Variants in EFL1 observed in about 807,000 individuals in gnomAD.
EFL1 encodes the protein elongation factor like GTPase 1.
EFL1 carries 76 observed loss-of-function variants against 126.7 expected under a neutral mutation model. The ratio of observed to expected loss-of-function variants is 0.60; its 90% confidence interval spans 0.50 to 0.73. The LOEUF (loss-of-function observed/expected upper bound fraction) is 0.73, where lower values mean the gene tolerates loss of function less well. EFL1 is among the 30% of genes least tolerant of loss of function. EFL1 has a pLI of 0.00. For synonymous variants in EFL1, 410 were observed against 448.4 expected, an observed-to-expected ratio of 0.91 and a Z score of 1.08; for missense variants, 1,128 against 1,343.2, an observed-to-expected ratio of 0.84 and a Z score of 2.50.
intron 19 of EFL1, among the ~76,000 whole-genome samples, chr15:82,136,502 T>C (rs2073723667): frequency 6.6e-6 from 1 of 152,216 alleles, no homozygotes; most frequent in Non-Finnish European, 1.5e-5. Context: ...ACTGAATCTC[T>C]CTGGTTCTAA....
At chr15:82,138,425 A>AGAGAGAGTATGTGT (rs751682963) in intron 19 of EFL1, among the ~76,000 whole-genome samples, 1 of 46,180 alleles carries the variant, frequency 2.2e-5, no homozygotes, top group African/African-American at 6.9e-5. Flanking sequence ...AGAGAGAGAG[A>AGAGAGAGTATGTGT]GTGTATGTGT....
intron 18 of EFL1, among the ~76,000 whole-genome samples, chr15:82,151,001 ATACT>A (rs2073900545): frequency 6.6e-6 from 1 of 152,196 alleles, no homozygotes; most frequent in Non-Finnish European, 1.5e-5. Flanking sequence ...CAAGATTTTA[ATACT>A]TAAGATATCT....
At chr15:82,160,595 G>A (rs947173588) in intron 16 of EFL1, among the ~76,000 whole-genome samples, 1 of 152,088 alleles carries the variant, frequency 6.6e-6, no homozygotes, top group Non-Finnish European at 1.5e-5. Flanking sequence ...GCTTCATAAT[G>A]TATATAAAAC....
At chr15:82,247,904 C>T (rs2074988051) in intron 4 of EFL1, among the ~76,000 whole-genome samples, 1 of 152,028 alleles carries the variant, frequency 6.6e-6, no homozygotes, top group Non-Finnish European at 1.5e-5. Context: ...ACAAGACGTG[C>T]ATAACAATCC....
chr15:82,160,649 T>A (rs1048603217), intron 16 of EFL1, among the ~76,000 whole-genome samples: 4 of 146,184 alleles, frequency 2.7e-5, no homozygotes, highest in South Asian at 2.1e-4. Flanking sequence ...GTATCAAAAA[T>A]TTTTTTTAAC....
chr15:82,181,922 C>T (rs563460680), intron 15 of EFL1, among the ~76,000 whole-genome samples: 5 of 152,292 alleles, frequency 3.3e-5, no homozygotes, highest in South Asian at 4.1e-4. Context: ...CAGTTCCCTC[C>T]GTGCTCCATG....
intron 17 of EFL1, among the ~76,000 whole-genome samples, chr15:82,156,399 C>A (rs1387842269): frequency 6.6e-6 from 1 of 152,188 alleles, no homozygotes; most frequent in Non-Finnish European, 1.5e-5. Flanking sequence ...AATTCTCCTG[C>A]CTCAGCCTCC....
intron 15 of EFL1, among the ~76,000 whole-genome samples, chr15:82,180,998 G>A (rs1008186731): frequency 5.3e-5 from 8 of 152,068 alleles, no homozygotes; most frequent in Non-Finnish European, 1.0e-4. Flanking sequence ...GAAGTGCTGG[G>A]ATTACAGGTG....
At chr15:82,170,201 G>A (rs186443865) in intron 15 of EFL1, among the ~76,000 whole-genome samples, 3,738 of 133,990 alleles carry the variant, frequency 0.028, 50 homozygotes, top group African/African-American at 0.045. Context: ...TGCAAGCTCC[G>A]CCTCCCGGGT....
rs747045553 is a variant in EFL1, at chr15:82,237,096, T to C, written c.731+1211A>G. On this transcript the variant is annotated intron_variant, in intron 7 of 19. Coordinates refer to ENST00000268206, the MANE Select transcript of EFL1 (RefSeq NM_024580.6). ...AGGCGGAGGTTGCAGTGAGCCAAGATTGCGTCACTGCACTCCAGCCTGGGC... is the reference window on the plus strand; with the variant it reads ...AGGCGGAGGTTGCAGTGAGCCAAGACTGCGTCACTGCACTCCAGCCTGGGC... Among the ~76,000 whole-genome samples, 6 of 152,260 alleles carry C rather than the reference T, an allele frequency of 3.9e-5. No homozygotes were observed. The East Asian group carries it at 5.8e-4, about 15-fold the overall frequency.
At chr15:82,144,167 G>A (rs989032623) in intron 18 of EFL1, among the ~76,000 whole-genome samples, 3 of 151,766 alleles carry the variant, frequency 2.0e-5, no homozygotes, top group South Asian at 2.1e-4. Flanking sequence ...TGGGAGGAGC[G>A]CTTTGAGCCT....
intron 14 of EFL1, among the ~76,000 whole-genome samples, chr15:82,217,257 T>C (rs578096635): frequency 8.2e-4 from 125 of 151,786 alleles, no homozygotes; most frequent in Non-Finnish European, 1.3e-3. Flanking sequence ...TGGAATTATC[T>C]TGTTAAGCAA....
At position 82,151,473 on chromosome 15, in the gene EFL1, T is replaced by A. The variant is rs1195011612; in HGVS notation, c.2981A>T (p.Asp994Val). ...MYTCDIMATG[D>V]VLGRVYAVLS... ...TACCTTTTCTTCCTTACCGAGAACA[T>A]CACCAGTGGCCATGATGTCACATGT... Residue 994 changes from aspartate to valine, a missense_variant, in exon 18 of 20, where the codon GAT becomes GTT. Physicochemically the swap from Asp to Val is radical, Grantham distance 152. This residue lies in a region of EFL1 where 561 missense variants were observed against 641.7 expected (regional missense o/e 0.87). Coordinates refer to ENST00000268206, the MANE Select transcript of EFL1 (RefSeq NM_024580.6). 6.2e-7 allele frequency: 1 copy of A among 1,608,434 alleles called. No individual in the cohort carries two copies. The highest frequency in any genetic ancestry group is 8.5e-7 in the Non-Finnish European group (1 of 1,177,764).
rs755280310 is a variant in EFL1 at position 82,151,721 on chromosome 15, T to C, written c.2733A>G (p.Ala911=). 4.3e-6 allele frequency: 7 copies of C among 1,614,054 alleles called. No individual in the cohort carries two copies. The East Asian group carries it at 1.3e-4, about 31-fold the overall frequency. ...TTTCATTTTCCTCCTGTCCCTCTTT[T>C]GCCAGATCACTTGCTCCTTGTTCCT... ...KFEEQGASDL[A]KEGQEENETC... The change falls in exon 18 of 20, where the codon GCA becomes GCG. Residue 911 remains alanine (A), a synonymous_variant. Coordinates refer to ENST00000268206, the MANE Select transcript of EFL1 (RefSeq NM_024580.6).
chr15:82,198,846 C>A (rs1472545097), intron 15 of EFL1, among the ~76,000 whole-genome samples: 1 of 152,108 alleles, frequency 6.6e-6, no homozygotes, highest in Non-Finnish European at 1.5e-5. Flanking sequence ...AGTTTGCGAT[C>A]AAAACTGTGA....
intron 19 of EFL1, among the ~76,000 whole-genome samples, chr15:82,135,544 T>C (rs1340493146): frequency 6.6e-6 from 1 of 152,222 alleles, no homozygotes. Flanking sequence ...GCAGGCCATA[T>C]ATTATTTCTA....
At chr15:82,231,646 A>C (rs925970156) in intron 7 of EFL1, among the ~76,000 whole-genome samples, 3 of 151,528 alleles carry the variant, frequency 2.0e-5, no homozygotes, top group African/African-American at 7.3e-5. Flanking sequence ...CCAGCATCTT[A>C]AAAGATGCCT....
intron 15 of EFL1, among the ~76,000 whole-genome samples, chr15:82,186,094 G>A (rs1300141636): frequency 1.3e-5 from 2 of 151,516 alleles, no homozygotes; most frequent in Non-Finnish European, 2.9e-5. Flanking sequence ...GGGGGGACTT[G>A]TCATTCTTTC....
intron 18 of EFL1, among the ~76,000 whole-genome samples, chr15:82,144,156 G>A (rs1378745986): frequency 2.6e-5 from 4 of 151,968 alleles, no homozygotes; most frequent in Admixed American, 6.6e-5. Flanking sequence ...GGAGGCTGAG[G>A]TGGGAGGAGC....
Sources: gnomAD v4.1 joint callset for allele counts (sites outside exome capture counted in the v4.1 genomes callset) on GRCh38, gnomAD v4.1.1 for gene constraint, gnomAD v4.1.1 regional missense constraint, MANE v1.5 for transcripts, NCBI Gene and HGNC (gene_info 2026-07-23, HGNC 2026-07-21) for gene names.